The following SORCS2 variants were observed in gnomAD, a reference collection of about 807,000 sequenced individuals.
SORCS2 encodes the protein sortilin related VPS10 domain containing receptor 2.
In SORCS2, 100 loss-of-function variants were observed where a neutral mutation model predicts 141.6. That is an observed-to-expected ratio of 0.71 (90% CI 0.60 to 0.83). SORCS2 has a LOEUF of 0.83. SORCS2 is among the 40% of genes least tolerant of loss of function. SORCS2 has a pLI of 0.00. For synonymous variants in SORCS2, 789 were observed against 676.9 expected, an observed-to-expected ratio of 1.17 and a Z score of -2.57; for missense variants, 1,646 against 1,560.2, an observed-to-expected ratio of 1.05 and a Z score of -0.93.
intron 1 of SORCS2, among the ~76,000 whole-genome samples, chr4:7,224,332 A>G (rs549672030): frequency 1.8e-4 from 27 of 152,326 alleles, no homozygotes; most frequent in African/African-American, 6.5e-4. Flanking sequence ...AAGGCACCAA[A>G]CAGGGAGGTG....
intron 1 of SORCS2, among the ~76,000 whole-genome samples, chr4:7,340,664 T>C (rs1720318663): frequency 6.6e-6 from 1 of 152,184 alleles, no homozygotes; most frequent in African/African-American, 2.4e-5. Context: ...TGCACACCTG[T>C]GGGTGGAAAC....
At chr4:7,660,433 T>C (rs1004196666) in intron 5 of SORCS2, among the ~76,000 whole-genome samples, 2 of 152,130 alleles carry the variant, frequency 1.3e-5, no homozygotes, top group Non-Finnish European at 2.9e-5. Context: ...CTTAGAGATA[T>C]CTATGGAACT....
Position 7,697,269 on chromosome 4 carries a change from C to A in SORCS2, c.1663C>A (p.Arg555=), listed in dbSNP as rs368656876. 5.0e-6 allele frequency: 8 copies of A among 1,585,210 alleles called. No homozygotes were observed. Among genetic ancestry groups the A allele is most frequent in the Non-Finnish European group, 5.1e-6 (6 of 1,166,194 alleles). The part of the protein sequence containing the change: ...YITSDCGHTW[R]QVFEEEHHIL... ...CACGTCAGACTGTGGTCACACCTGG[C>A]GGCAGGTAAGCTGGCTGGGAGGTGC... The change falls in exon 12 of 27, where the codon CGG becomes AGG. Residue 555 remains arginine, a synonymous_variant. Coordinates refer to ENST00000507866, the MANE Select transcript of SORCS2 (RefSeq NM_020777.3).
chr4:7,549,248 A>G (rs914907695), intron 3 of SORCS2, among the ~76,000 whole-genome samples: 2 of 152,142 alleles, frequency 1.3e-5, no homozygotes, highest in Non-Finnish European at 2.9e-5. Flanking sequence ...TAGGACTTCA[A>G]AAAAATCTCA....
chr4:7,724,660 ATGGTGATAATGGTGGTAG>A lies in SORCS2; in HGVS notation c.2612-486_2612-469del, dbSNP rs1449799669. On this transcript the variant is annotated intron_variant, in intron 19 of 26. Transcript: ENST00000507866. ...GATGGTGGAGGTGATGGTGGTAGTT[ATGGTGATAATGGTGGTAG>A]TGGTGATGGTGGTGGTGTTGGTGAT... 2.9e-4 allele frequency among the ~76,000 whole-genome samples: 39 copies of A among 134,874 alleles called. 1 individual carries two copies. The highest frequency in any genetic ancestry group is 5.2e-4 in the Non-Finnish European group (33 of 62,990). 88.5% of individuals were successfully genotyped at this position (134,874 alleles called of 152,430 possible).
rs536364545 is a variant in SORCS2, at chr4:7,340,408, A to G, written c.481-55880A>G. Among the ~76,000 whole-genome samples the G allele has an allele frequency of 3.2e-3, 489 of 152,350 alleles. 2 individuals carry two copies. Among genetic ancestry groups the G allele is most frequent in the Admixed American group, 6.9e-3 (105 of 15,308 alleles). On this transcript the variant is annotated intron_variant, in intron 1 of 26. Transcript: ENST00000507866. ...AGGCAGACAGGGATGGCTGGTCACC[A>G]TAGCAGGGCAGAGCCTCTGCGTGTC... is the stretch of plus-strand genomic sequence containing the variant.
At chr4:7,737,261 C>G in intron 26 of SORCS2, 89 bp downstream of exon 26, 2 of 1,519,758 alleles carry the variant, frequency 1.3e-6, no homozygotes, top group Non-Finnish European at 1.8e-6. Context: ...GGCCACCCCG[C>G]TGGGCCGCTG....
chr4:7,450,682 G>A lies in SORCS2; in HGVS notation c.548+54327G>A, dbSNP rs539410529. On this transcript the variant is annotated intron_variant, in intron 2 of 26. Coordinates refer to ENST00000507866, the MANE Select transcript of SORCS2 (RefSeq NM_020777.3). ...GGCACATGGGACATGTACATCCGCA[G>A]CAGACTGAATGAATCTGAGTGAGTG... is the stretch of plus-strand genomic sequence containing the variant. 2.0e-5 allele frequency among the ~76,000 whole-genome samples: 3 copies of A among 152,392 alleles called. No individual in the cohort carries two copies. The South Asian group carries it at 6.2e-4, about 32-fold the overall frequency.
At chr4:7,389,551 C>A (rs899813150) in intron 1 of SORCS2, among the ~76,000 whole-genome samples, 1 of 152,196 alleles carries the variant, frequency 6.6e-6, no homozygotes, top group African/African-American at 2.4e-5. Flanking sequence ...GATGAATTCA[C>A]TCAGCAATGA....
intron 1 of SORCS2, among the ~76,000 whole-genome samples, chr4:7,206,214 T>G (rs1047886616): frequency 1.4e-4 from 22 of 152,144 alleles, no homozygotes; most frequent in African/African-American, 4.3e-4. Context: ...TCCCCAGGCC[T>G]CCTCTCTGGT....
chr4:7,464,827 C>T (rs1729517991), intron 2 of SORCS2, among the ~76,000 whole-genome samples: 1 of 152,216 alleles, frequency 6.6e-6, no homozygotes, highest in Non-Finnish European at 1.5e-5. Context: ...GTGCCTAGCA[C>T]AGAGGAGGGG....
chr4:7,723,765 T>G lies in SORCS2; in HGVS notation c.2493T>G (p.Leu831=), dbSNP rs967171570. The G allele has an allele frequency of 1.9e-6, 3 of 1,613,970 alleles. No individual in the cohort carries two copies. Among genetic ancestry groups the G allele is most frequent in the Non-Finnish European group, 1.7e-6 (2 of 1,179,884 alleles). Residue 831 remains leucine (L), a synonymous_variant, in exon 19 of 27, where the codon CTT becomes CTG. Coordinates refer to ENST00000507866, the MANE Select transcript of SORCS2 (RefSeq NM_020777.3). ...GCTTCAAGGCCATGTACGTGAACCTTACACTGACCGGGGAGCCCATCCGGC... is the reference window on the plus strand; with the variant it reads ...GCTTCAAGGCCATGTACGTGAACCTGACACTGACCGGGGAGCCCATCCGGC... ...GDGFKAMYVN[L]TLTGEPIRHR... is the part of the protein sequence containing the mutation.
chr4:7,270,830 C>T (rs973625874), intron 1 of SORCS2, among the ~76,000 whole-genome samples: 5 of 152,244 alleles, frequency 3.3e-5, no homozygotes, highest in African/African-American at 7.2e-5. Context: ...TAGAACCACA[C>T]ACCCCACTGG....
rs367789037 is a variant in SORCS2, at chr4:7,387,522, C to T, written c.481-8766C>T. Among the ~76,000 whole-genome samples, 97 of 148,434 alleles carry T rather than the reference C, an allele frequency of 6.5e-4. 2 individuals are homozygous for T. The East Asian group carries it at 0.017, about 26-fold the overall frequency. On this transcript the variant is annotated intron_variant, in intron 1 of 26. Coordinates refer to ENST00000507866, the MANE Select transcript of SORCS2 (RefSeq NM_020777.3). ...ACACAAATACAGGTACACAGAGATA[C>T]ATATGCACACATGCACACACATGCA...
chr4:7,200,328 A>T (rs954361575), intron 1 of SORCS2, among the ~76,000 whole-genome samples: 11 of 151,840 alleles, frequency 7.2e-5, no homozygotes, highest in Non-Finnish European at 1.6e-4. Context: ...GCCCTCCAAC[A>T]CATTAGTGCT....
intron 1 of SORCS2, among the ~76,000 whole-genome samples, chr4:7,213,904 G>A (rs1293330362): frequency 6.6e-6 from 1 of 152,214 alleles, no homozygotes; most frequent in Non-Finnish European, 1.5e-5. Flanking sequence ...GCTGGAAGCT[G>A]GCTTCCTGGG....
intron 1 of SORCS2, among the ~76,000 whole-genome samples, chr4:7,391,611 C>T (rs1723869959): frequency 6.6e-6 from 1 of 152,158 alleles, no homozygotes; most frequent in Non-Finnish European, 1.5e-5. Flanking sequence ...CCCTCAGTCC[C>T]TCTGAGGGAG....
chr4:7,599,402 G>A (rs1236658271), intron 3 of SORCS2, among the ~76,000 whole-genome samples: 1 of 152,200 alleles, frequency 6.6e-6, no homozygotes, highest in Non-Finnish European at 1.5e-5. Flanking sequence ...CGCCAAGCCC[G>A]GTGTGCTCCG....
intron 1 of SORCS2, among the ~76,000 whole-genome samples, chr4:7,198,526 G>T (rs988794187): frequency 5.9e-5 from 9 of 152,190 alleles, no homozygotes; most frequent in Non-Finnish European, 7.3e-5. Context: ...GGAGCCTGAG[G>T]TGTGGCCCCC....
Sources: allele counts gnomAD v4.1 joint callset (sites outside exome capture counted in the v4.1 genomes callset), GRCh38; gene constraint gnomAD v4.1.1; transcripts MANE v1.5; gene names NCBI Gene and HGNC (gene_info 2026-07-23, HGNC 2026-07-21).